KIF19: variants seen among roughly 807,000 people sequenced by gnomAD.
The protein encoded by KIF19 is kinesin family member 19.
KIF19 carries 98 observed loss-of-function variants against 106.6 expected under a neutral mutation model. The ratio of observed to expected loss-of-function variants is 0.92; its 90% confidence interval spans 0.78 to 1.09. The LOEUF is 1.09. Ranked by LOEUF, KIF19 falls within the 50% of genes least tolerant of loss-of-function variation. The pLI is 0.00. For synonymous variants in KIF19, 516 were observed against 584.2 expected, an observed-to-expected ratio of 0.88 and a Z score of 1.68; for missense variants, 1,373 against 1,414.3, an observed-to-expected ratio of 0.97 and a Z score of 0.47.
At chr17:74,333,436 C>T (rs1016201356) in intron 2 of KIF19, among the ~76,000 whole-genome samples, 1 of 147,002 alleles carries the variant, frequency 6.8e-6, no homozygotes, top group Non-Finnish European at 1.5e-5. Context: ...TATCTTAGCT[C>T]ACTGCGACCT....
chr17:74,333,127 G>A lies in KIF19; in HGVS notation c.120+4622G>A, dbSNP rs60912489. ...TGCCTGCCTGGGGGCAGTGAGGTGG[G>A]AAACTCCCTGCACACCGACCATCTG... On this transcript the variant is annotated intron_variant, in intron 2 of 19. Transcript: ENST00000389916. 8.7e-3 allele frequency among the ~76,000 whole-genome samples: 1,325 copies of A among 152,336 alleles called. 26 individuals are homozygous for A. The highest frequency in any genetic ancestry group is 0.03 in the African/African-American group (1,258 of 41,578).
intron 3 of KIF19, among the ~76,000 whole-genome samples, chr17:74,342,418 C>T (rs988662578): frequency 2.0e-5 from 3 of 152,250 alleles, no homozygotes; most frequent in Admixed American, 6.5e-5. Context: ...CGCAGGAAGG[C>T]GTCTCAGGTG....
In KIF19 at chr17:74,352,028, G is replaced by A. The variant is rs1431137698; in HGVS notation, c.1749G>A (p.Ala583=). 10 of 1,566,010 alleles carry A rather than the reference G, an allele frequency of 6.4e-6. No homozygotes were observed. Among genetic ancestry groups the A allele is most frequent in the Middle Eastern group, 1.7e-4 (1 of 5,860 alleles). ...EVENTEMQSH[A]LLRDGALRHR... ...AGAACACCGAGATGCAGTCGCACGC[G>A]CTGCTCCGCGACGGTGCGCTCCGCC... The change falls in exon 13 of 20, where the codon GCG becomes GCA. Residue 583 remains alanine, a synonymous_variant. Transcript: ENST00000389916.
At chr17:74,345,399 T>C (rs2054507163) in intron 7 of KIF19, among the ~76,000 whole-genome samples, 1 of 151,946 alleles carries the variant, frequency 6.6e-6, no homozygotes. Context: ...ACTTGACACA[T>C]CCTGGGAGAG....
rs1490627597 is a variant in KIF19, at chr17:74,326,291, G to T, written c.-59G>T. 2.6e-6 allele frequency: 4 copies of T among 1,532,696 alleles called. No homozygotes were observed. Among genetic ancestry groups the T allele is most frequent in the Admixed American group, 4.0e-5 (2 of 50,610 alleles). 94.9% of individuals were successfully genotyped at this position (1,532,696 alleles called of 1,614,324 possible). ...CTGGCGGACGCGACCCGGAGGCGGTGGGGGTGCGGCTGAGCCATGCCCGGT... is the reference window on the plus strand; with the variant it reads ...CTGGCGGACGCGACCCGGAGGCGGTTGGGGTGCGGCTGAGCCATGCCCGGT... On this transcript the variant is annotated 5_prime_UTR_variant, in exon 1 of 20. Coordinates refer to ENST00000389916, the MANE Select transcript of KIF19 (RefSeq NM_153209.4).
intron 2 of KIF19, among the ~76,000 whole-genome samples, chr17:74,336,141 TC>T (rs2054215164): frequency 6.6e-6 from 1 of 152,206 alleles, no homozygotes; most frequent in South Asian, 2.1e-4. Context: ...TAATCTCCGC[TC>T]ACTGCAACCT....
At chr17:74,335,449 C>G (rs1339703455) in intron 2 of KIF19, among the ~76,000 whole-genome samples, 1 of 152,236 alleles carries the variant, frequency 6.6e-6, no homozygotes, top group Admixed American at 6.5e-5. Context: ...TGAGCCTGGT[C>G]CCCCGATAGG....
In KIF19 at chr17:74,341,862, T is replaced by A; in HGVS notation, c.121-14T>A. 4 of 1,607,518 alleles carry A rather than the reference T, an allele frequency of 2.5e-6. No homozygotes were observed. Among genetic ancestry groups the A allele is most frequent in the Non-Finnish European group, 3.4e-6 (4 of 1,174,182 alleles). ...TCCCAGGTGACCGTGGGCCTCCCTC[T>A]GGGGACCTTGCAGATGGTGGTTCTC... On this transcript the variant is annotated splice_polypyrimidine_tract_variant and intron_variant, in intron 2 of 19. Coordinates refer to ENST00000389916, the MANE Select transcript of KIF19 (RefSeq NM_153209.4).
Position 74,344,263 on chromosome 17 carries a change from T to C in KIF19, c.497T>C (p.Leu166Pro). The C allele has an allele frequency of 6.2e-7, 1 of 1,608,916 alleles. No homozygotes were observed. Among genetic ancestry groups the C allele is most frequent in the Non-Finnish European group, 8.5e-7 (1 of 1,177,304 alleles). Reference protein sequence around the residue: ...EMIRDLLNPSLGYLELREDSK... With the variant: ...EMIRDLLNPSPGYLELREDSK... ...ATCCGGGACCTGCTGAACCCCTCCC[T>C]GGGCTACCTGGAGCTGCGGGAGGAC... is the stretch of plus-strand genomic sequence containing the variant. The change falls in exon 6 of 20, where the codon CTG (leucine) becomes CCG (proline). Residue 166 changes from leucine to proline, a missense_variant. Transcript: ENST00000389916.
intron 1 of KIF19, among the ~76,000 whole-genome samples, chr17:74,326,804 G>A (rs2053924293): frequency 6.6e-6 from 1 of 152,192 alleles, no homozygotes; most frequent in African/African-American, 2.4e-5. Context: ...GAGTTTAAAG[G>A]GATGTGGGGG....
chr17:74,349,198 C>A lies in KIF19; in HGVS notation c.1062C>A (p.Leu354=). Residue 354 remains leucine, a synonymous_variant, in exon 10 of 20, where the codon CTC becomes CTA. Transcript: ENST00000389916. Reference sequence around the variant, plus strand: ...GTTCCCTGCAGGTGAAGCAGAACCTCCTGAACGTCTCCTACCACATCGCCC... The same window carrying A: ...GTTCCCTGCAGGTGAAGCAGAACCTACTGAACGTCTCCTACCACATCGCCC... ...KNIKTRVKQN[L]LNVSYHIAQY... The A allele has an allele frequency of 1.2e-6, 2 of 1,613,834 alleles. No homozygotes were observed. The highest frequency in any genetic ancestry group is 1.7e-6 in the Non-Finnish European group (2 of 1,179,884).
chr17:74,328,182 G>A (rs1001236015), intron 1 of KIF19, among the ~76,000 whole-genome samples: 2 of 152,220 alleles, frequency 1.3e-5, no homozygotes, highest in East Asian at 1.9e-4. Flanking sequence ...CAGGCTGGAG[G>A]AGCAGACAGC....
chr17:74,344,195 C>A, intron 5 of KIF19, 28 bp from the exon 6 acceptor site: 1 of 1,594,670 alleles, frequency 6.3e-7, no homozygotes, highest in Non-Finnish European at 8.5e-7. Flanking sequence ...TCTCCCTTCC[C>A]CCACCCCTCC....
intron 12 of KIF19, among the ~76,000 whole-genome samples, chr17:74,351,661 G>A (rs994849737): frequency 7.2e-5 from 11 of 152,192 alleles, no homozygotes; most frequent in South Asian, 2.1e-4. Flanking sequence ...GTGGTTTGCG[G>A]TCAGGATAGC....
At position 74,354,378 on chromosome 17, in the gene KIF19, G is replaced by C; in HGVS notation, c.2525G>C (p.Ser842Thr). The change falls in exon 18 of 20, where the codon AGT becomes ACT. Residue 842 changes from serine to threonine, a missense_variant. This residue lies in a region of KIF19 where 1,020 missense variants were observed against 1,008.2 expected (regional missense o/e 1.01). Transcript: ENST00000389916. ...AGCCCCACACTACAGCATGCTGCCA[G>C]TGAGGACAACCTGTCCAGCAGCACG... is the stretch of plus-strand genomic sequence containing the variant. ...PPSPTLQHAA[S>T]EDNLSSSTGE... 6.2e-7 allele frequency: 1 copy of C among 1,609,550 alleles called. No homozygotes were observed. The highest frequency in any genetic ancestry group is 8.5e-7 in the Non-Finnish European group (1 of 1,178,514).
chr17:74,337,066 T>C (rs893822166), intron 2 of KIF19, among the ~76,000 whole-genome samples: 1 of 152,154 alleles, frequency 6.6e-6, no homozygotes, highest in Non-Finnish European at 1.5e-5. Flanking sequence ...ACTCCTGACC[T>C]CAAGTGATCT....
chr17:74,350,106 G>A (rs1010807429), intron 10 of KIF19, among the ~76,000 whole-genome samples: 26 of 152,094 alleles, frequency 1.7e-4, no homozygotes, highest in Non-Finnish European at 2.9e-5. Context: ...GCCACAGACG[G>A]TAGTTTCTAG....
chr17:74,353,075 T>G, intron 15 of KIF19, 121 bp downstream of exon 15: 1 of 1,426,680 alleles, frequency 7.0e-7, no homozygotes, highest in Middle Eastern at 1.7e-4. Context: ...GGCCCAGGTC[T>G]GGAGCCAGGA....
Position 74,355,646 on chromosome 17 carries a change from G to A in KIF19, c.*334G>A, listed in dbSNP as rs1178675994. 1.8e-5 allele frequency: 4 copies of A among 221,398 alleles called. No homozygotes were observed. The highest frequency in any genetic ancestry group is 2.7e-5 in the Non-Finnish European group (3 of 113,172). 13.7% of individuals were successfully genotyped at this position (221,398 alleles called of 1,614,324 possible). A position where few individuals can be genotyped will look rare whatever the true frequency, so the allele number is the denominator to read the frequency against. The stretch of plus-strand genomic sequence containing the variant: ...GAGGAAAGCAGCTGACAGTGAGACG[G>A]GGCTCCTGGCCCACGTGTGGGGCAC... On this transcript the variant is annotated 3_prime_UTR_variant, in exon 20 of 20. Transcript: ENST00000389916.
Sources: gnomAD v4.1 joint callset for allele counts (sites outside exome capture counted in the v4.1 genomes callset) on GRCh38, gnomAD v4.1.1 for gene constraint, gnomAD v4.1.1 regional missense constraint, MANE v1.5 for transcripts, NCBI Gene and HGNC (gene_info 2026-07-23, HGNC 2026-07-21) for gene names.